Variants in LCOR observed in about 807,000 individuals in gnomAD.
The protein encoded by LCOR is ligand-dependent corepressor.
A neutral mutation model predicts 64.4 loss-of-function variants in LCOR; 14 were observed. The ratio of observed to expected loss-of-function variants is 0.22; its 90% CI spans 0.14 to 0.34. LCOR has a LOEUF of 0.34. LCOR is among the 10% of genes least tolerant of loss of function. LCOR has a pLI of 1.00. For missense variants in LCOR, 1,686 were observed against 1,765.3 expected, an observed-to-expected ratio of 0.96 and a Z score of 0.80; for synonymous variants, 643 against 642.5, an observed-to-expected ratio of 1.00 and a Z score of -0.01.
chr10:96,978,112 A>G (rs1364106412), intron 7 of LCOR, among the ~76,000 whole-genome samples: 1 of 152,176 alleles, frequency 6.6e-6, no homozygotes, highest in Non-Finnish European at 1.5e-5. Flanking sequence ...CATAGTGACA[A>G]AGTTCTTCCT....
intron 7 of LCOR, 127 bp downstream of exon 7, chr10:96,952,323 A>G: frequency 3.2e-6 from 2 of 618,642 alleles, no homozygotes; most frequent in Non-Finnish European, 5.7e-6. Context: ...TATGGACCAT[A>G]GATCAAATAA....
At chr10:96,872,272 T>C (rs1846084484) in intron 2 of LCOR, among the ~76,000 whole-genome samples, 1 of 152,256 alleles carries the variant, frequency 6.6e-6, no homozygotes, top group Admixed American at 6.5e-5. Context: ...ATTTCAAATA[T>C]ACCATCGGTA....
At chr10:96,861,392 CAA>C (rs1001779829) in intron 2 of LCOR, among the ~76,000 whole-genome samples, 1 of 152,072 alleles carries the variant, frequency 6.6e-6, no homozygotes, top group Non-Finnish European at 1.5e-5. Flanking sequence ...TGTGGGAAAA[CAA>C]AATCTGTTTT....
At chr10:96,897,908 C>G (rs1168376765) in intron 2 of LCOR, among the ~76,000 whole-genome samples, 1 of 148,644 alleles carries the variant, frequency 6.7e-6, no homozygotes, top group Non-Finnish European at 1.5e-5. Context: ...TATCTGTTAC[C>G]CTTCTGTTTT....
intron 4 of LCOR, among the ~76,000 whole-genome samples, chr10:96,939,081 G>C (rs1473617604): frequency 6.6e-6 from 1 of 152,200 alleles, no homozygotes; most frequent in Non-Finnish European, 1.5e-5. Context: ...AACAAATTGG[G>C]AGGATTTACA....
chr10:96,854,930 C>G (rs1443441961), intron 2 of LCOR, among the ~76,000 whole-genome samples: 1 of 152,108 alleles, frequency 6.6e-6, no homozygotes, highest in African/African-American at 2.4e-5. Flanking sequence ...CATACCTTTC[C>G]TACTGAATAT....
intron 5 of LCOR, among the ~76,000 whole-genome samples, chr10:96,944,840 T>C (rs1847559474): frequency 6.6e-6 from 1 of 152,128 alleles, no homozygotes; most frequent in Non-Finnish European, 1.5e-5. Context: ...TTTGTAGGCT[T>C]GTTTTACATT....
At chr10:96,833,250 GC>G (rs1845378685) in intron 1 of LCOR, 155 bp from the exon 2 acceptor site, 2 of 959,898 alleles carry the variant, frequency 2.1e-6, no homozygotes, top group South Asian at 4.8e-5. Flanking sequence ...TCGCCCGAAT[GC>G]CCCGTCCGCC....
At chr10:96,844,656 T>TA (rs1406578726) in intron 2 of LCOR, among the ~76,000 whole-genome samples, 13 of 152,180 alleles carry the variant, frequency 8.5e-5, no homozygotes, top group African/African-American at 3.1e-4. Flanking sequence ...GAGCTGAATG[T>TA]TTCCACTGGC....
intron 2 of LCOR, among the ~76,000 whole-genome samples, chr10:96,849,116 G>A (rs1211765512): frequency 8.4e-6 from 1 of 119,194 alleles, no homozygotes; most frequent in Non-Finnish European, 1.6e-5. Flanking sequence ...CTCTATAGCC[G>A]AGGCTGGAGT....
chr10:96,836,988 AGATTCT>A (rs570612386), intron 2 of LCOR, among the ~76,000 whole-genome samples: 89 of 149,472 alleles, frequency 6.0e-4, no homozygotes, highest in Non-Finnish European at 1.1e-3. Flanking sequence ...AAAATGACAC[AGATTCT>A]TTTTTTTTTT....
Position 96,907,726 on chromosome 10 carries a change from CT to C in LCOR, c.-203del. 2.0e-6 allele frequency: 2 copies of C among 982,310 alleles called. No individual in the cohort carries two copies. The highest frequency in any genetic ancestry group is 2.4e-6 in the Non-Finnish European group (2 of 826,804). 60.8% of individuals were successfully genotyped at this position (982,310 alleles called of 1,614,324 possible). ...TTGATGAAAACTGTTTATTCTGTTG[CT>C]TGAGAAGAGATAAAGTAAAGGTAAC... On this transcript the variant is annotated 5_prime_UTR_variant, in exon 4 of 8. An upstream open reading frame in the 5' UTR loses its in-frame stop. Transcript: ENST00000421806.
At chr10:96,979,820 A>G (rs778384669) in intron 7 of LCOR, among the ~76,000 whole-genome samples, 8 of 152,158 alleles carry the variant, frequency 5.3e-5, no homozygotes, top group South Asian at 2.1e-4. Flanking sequence ...AGCATGACCA[A>G]TTGGTCATGC....
chr10:96,882,799 C>T (rs571778877), intron 2 of LCOR, among the ~76,000 whole-genome samples: 4 of 152,238 alleles, frequency 2.6e-5, no homozygotes, highest in African/African-American at 9.6e-5. Context: ...TTGTCTTTTC[C>T]AGAATTTTCC....
chr10:96,984,422 G>C lies in LCOR; in HGVS notation c.3962G>C (p.Arg1321Thr). 6.2e-7 allele frequency: 1 copy of C among 1,614,226 alleles called. No individual in the cohort carries two copies. The highest frequency in any genetic ancestry group is 8.5e-7 in the Non-Finnish European group (1 of 1,180,048). The change falls in exon 8 of 8, where the codon AGA (arginine) becomes ACA (threonine). Residue 1321 changes from arginine to threonine, a missense_variant. By Grantham distance (71) the Arg-to-Thr change is moderately conservative. Transcript: ENST00000421806. ...TATTCCAATATTCGAGGAAAGCTCA[G>C]AGCCCAGCAACGTTTAATCAAGAAT... ...RKYSNIRGKL[R>T]AQQRLIKNEK...
At chr10:96,949,493 T>A (rs937530448) in intron 6 of LCOR, among the ~76,000 whole-genome samples, 198 bp downstream of exon 6, 1 of 152,224 alleles carries the variant, frequency 6.6e-6, no homozygotes, top group African/African-American at 2.4e-5. Flanking sequence ...CAGTTCATAG[T>A]CATGATTGAT....
chr10:96,889,794 T>C (rs1443382439), intron 2 of LCOR, among the ~76,000 whole-genome samples: 4 of 152,218 alleles, frequency 2.6e-5, no homozygotes, highest in African/African-American at 9.6e-5. Context: ...ATCCACTCTT[T>C]AGTTGGTGGA....
chr10:96,972,022 A>C (rs1387954651), intron 7 of LCOR, among the ~76,000 whole-genome samples: 1 of 152,008 alleles, frequency 6.6e-6, no homozygotes, highest in Non-Finnish European at 1.5e-5. Context: ...TGTAGCCTTG[A>C]GTGTTTCTAG....
Position 96,984,837 on chromosome 10 carries a change from C to T in LCOR, c.4377C>T (p.Ile1459=), listed in dbSNP as rs376075318. 2.9e-5 allele frequency: 47 copies of T among 1,613,998 alleles called. No homozygotes were observed. The highest frequency in any genetic ancestry group is 1.7e-5 in the Admixed American group (1 of 59,996). The change falls in exon 8 of 8, where the codon ATC becomes ATT. Residue 1459 remains isoleucine (I), a synonymous_variant. Coordinates refer to ENST00000421806, the MANE Select transcript of LCOR (RefSeq NM_001346516.2). ...KTSLKENKVK[I]PKKSAGKSCP... Reference sequence around the variant, plus strand: ...CTTTGAAAGAGAATAAAGTGAAGATCCCTAAAAAGTCCGCTGGGAAGAGCT... The same window carrying T: ...CTTTGAAAGAGAATAAAGTGAAGATTCCTAAAAAGTCCGCTGGGAAGAGCT...
Sources: allele counts gnomAD v4.1 joint callset (sites outside exome capture counted in the v4.1 genomes callset), GRCh38; gene constraint gnomAD v4.1.1; transcripts MANE v1.5; gene names NCBI Gene and HGNC (gene_info 2026-07-23, HGNC 2026-07-21).